The following AVEN variants were observed in gnomAD, a reference collection of about 807,000 sequenced individuals.
AVEN encodes the protein cell death regulator Aven.
AVEN carries 41 observed loss-of-function variants against 38.1 expected under a neutral mutation model. That is an observed-to-expected ratio of 1.08 (90% CI 0.84 to 1.40). AVEN has a LOEUF of 1.40. AVEN is among the 40% of genes most tolerant of loss of function. The pLI is 0.00. For missense variants in AVEN, 605 were observed against 438.8 expected, an observed-to-expected ratio of 1.38 and a Z score of -3.38; for synonymous variants, 206 against 171.8, an observed-to-expected ratio of 1.20 and a Z score of -1.56.
chr15:34,031,753 G>C (rs894255796), intron 1 of AVEN, among the ~76,000 whole-genome samples: 1 of 152,074 alleles, frequency 6.6e-6, no homozygotes, highest in African/African-American at 2.4e-5. Context: ...GCAATTTAAG[G>C]CTTACAAAAT....
intron 2 of AVEN, among the ~76,000 whole-genome samples, chr15:33,906,955 G>A (rs139963971): frequency 2.0e-5 from 3 of 152,114 alleles, no homozygotes; most frequent in African/African-American, 7.2e-5. Flanking sequence ...GGTGTGGGGG[G>A]GAAGGGGGTG....
intron 1 of AVEN, among the ~76,000 whole-genome samples, chr15:34,021,420 G>T (rs1198314847): frequency 6.6e-6 from 1 of 151,744 alleles, no homozygotes; most frequent in Admixed American, 6.6e-5. Context: ...TGAGTAGCTG[G>T]GATTTCAGGC....
At chr15:34,018,892 A>T (rs1273473085) in intron 1 of AVEN, among the ~76,000 whole-genome samples, 1 of 146,182 alleles carries the variant, frequency 6.8e-6, no homozygotes, top group African/African-American at 2.7e-5. Context: ...AGCTAAACAC[A>T]GAGTGCTGAT....
intron 2 of AVEN, among the ~76,000 whole-genome samples, chr15:33,938,232 G>T (rs1017718394): frequency 6.6e-6 from 1 of 152,030 alleles, no homozygotes; most frequent in East Asian, 1.9e-4. Flanking sequence ...GAGGTGGGCG[G>T]ATCACGAGGT....
the AVEN span, chr15:33,853,450 C>T: frequency 5.7e-6 from 8 of 1,392,040 alleles, no homozygotes; most frequent in Non-Finnish European, 7.7e-6. Context: ...TCATCTACCC[C>T]TTGGAAGATT....
intron 2 of AVEN, among the ~76,000 whole-genome samples, chr15:33,916,360 C>T (rs1019951890): frequency 6.6e-6 from 1 of 152,182 alleles, no homozygotes; most frequent in African/African-American, 2.4e-5. Context: ...GGACTCTGTG[C>T]AGACACCCCC....
In AVEN at chr15:34,038,824, T is replaced by C. The variant is rs1251130548; in HGVS notation, c.223A>G (p.Ser75Gly). The C allele has an allele frequency of 1.3e-5, 16 of 1,190,722 alleles. No individual in the cohort carries two copies. Among genetic ancestry groups the C allele is most frequent in the African/African-American group, 1.6e-5 (1 of 61,198 alleles). 73.8% of individuals were successfully genotyped at this position (1,190,722 alleles called of 1,614,324 possible). Reference sequence around the variant, plus strand: ...CCCCAGCCTCCCGGCTCCCGGCGGCTGCCTCGCGGGGCGCCTCCTCCTCCT... The same window carrying C: ...CCCCAGCCTCCCGGCTCCCGGCGGCCGCCTCGCGGGGCGCCTCCTCCTCCT... ...GRGGGGAPRG[S>G]RREPGGWGAG... Residue 75 changes from serine (S) to glycine (G), a missense_variant, in exon 1 of 6, where the codon AGC (serine) becomes GGC (glycine). Coordinates refer to ENST00000306730, the MANE Select transcript of AVEN (RefSeq NM_020371.3).
Position 34,053,320 on chromosome 15 carries a change from ATATATAT to A in AVEN, n.1637+9595_1637+9601del, listed in dbSNP as rs1308575993. On this transcript the variant is annotated intron_variant and non_coding_transcript_variant, in intron 5 of 11. Coordinates refer to the AVEN transcript ENST00000675287. ...ATCTCAAAAAAAAAAAAAAAAAAAA[ATATATAT>A]ATATATATATATATATGGAACTGAA... Among the ~76,000 whole-genome samples, 4 of 31,098 alleles carry A rather than the reference ATATATAT, an allele frequency of 1.3e-4. No homozygotes were observed. In the Admixed American group the frequency reaches 2.0e-3, roughly 15 times the overall value. The allele number at this position is 31,098 out of a possible 152,430, so 20.4% of individuals were successfully genotyped here. A position where few individuals can be genotyped will look rare whatever the true frequency, so the allele number is the denominator to read the frequency against.
At chr15:34,008,788 G>A (rs8024385) in intron 1 of AVEN, among the ~76,000 whole-genome samples, 95,503 of 151,976 alleles carry the variant, frequency 0.63, 35,123 homozygotes, top group Non-Finnish European at 0.82. Flanking sequence ...GTGCCTAGCC[G>A]ATGAAAAACC....
At chr15:34,061,040 T>C (rs1411663927) in intron 5 of AVEN, among the ~76,000 whole-genome samples, 2 of 152,244 alleles carry the variant, frequency 1.3e-5, no homozygotes, top group Non-Finnish European at 2.9e-5. Context: ...AGATTTTTTT[T>C]TTCCCTTTAC....
At chr15:34,014,821 C>T (rs568786626) in intron 1 of AVEN, among the ~76,000 whole-genome samples, 1 of 152,294 alleles carries the variant, frequency 6.6e-6, no homozygotes, top group African/African-American at 2.4e-5. Flanking sequence ...CCTCTCAAAA[C>T]TAACTGGCCA....
At chr15:33,876,764 C>T (rs1376017044) in intron 2 of AVEN, among the ~76,000 whole-genome samples, 1 of 152,148 alleles carries the variant, frequency 6.6e-6, no homozygotes, top group South Asian at 2.1e-4. Flanking sequence ...GGTGTGTGTA[C>T]TTACTTTATA....
Position 34,063,041 on chromosome 15 carries a change from A to T in AVEN, n.1518T>A. On this transcript the variant is annotated non_coding_transcript_exon_variant, in exon 5 of 12. Transcript: ENST00000675287. This position sits in a 1 kb window ranked among gnomAD's most constrained non-coding sequence, Gnocchi z 4.1. ...GTCTGGCTTGTGACCTTTGGCTTGC[A>T]CTGGACTACGTGGCCAGCAACGCTT... The T allele has an allele frequency of 6.2e-7, 1 of 1,614,244 alleles. No individual in the cohort carries two copies. The highest frequency in any genetic ancestry group is 8.5e-7 in the Non-Finnish European group (1 of 1,180,048).
intron 2 of AVEN, among the ~76,000 whole-genome samples, chr15:33,897,911 C>T (rs1007774718): frequency 1.3e-5 from 2 of 151,576 alleles, no homozygotes; most frequent in Non-Finnish European, 2.9e-5. Context: ...CTGAATGGGC[C>T]GGGCGTGGTA....
At chr15:33,990,187 G>C (rs551851630) in intron 2 of AVEN, among the ~76,000 whole-genome samples, 6 of 151,908 alleles carry the variant, frequency 3.9e-5, no homozygotes, top group Middle Eastern at 3.4e-3. Flanking sequence ...CTGGGCAACA[G>C]GGTGAGACTC....
intron 2 of AVEN, among the ~76,000 whole-genome samples, chr15:33,942,576 AAGT>A (rs1307820167): frequency 2.0e-5 from 3 of 151,756 alleles, no homozygotes; most frequent in African/African-American, 7.3e-5. Flanking sequence ...TCAGCCTCCC[AAGT>A]AGCTGGGACT....
intron 2 of AVEN, among the ~76,000 whole-genome samples, chr15:33,961,546 G>GCT (rs1895161869): frequency 6.6e-6 from 1 of 151,674 alleles, no homozygotes; most frequent in African/African-American, 2.4e-5. Context: ...GGGTGAGGTG[G>GCT]CTCATGCCTG....
intron 2 of AVEN, among the ~76,000 whole-genome samples, chr15:33,884,224 A>G (rs1272120855): frequency 3.9e-5 from 6 of 152,180 alleles, no homozygotes; most frequent in Non-Finnish European, 5.9e-5. Flanking sequence ...CCTCTTGGCT[A>G]TCTTGAGTTC....
chr15:33,866,655 G>C lies in AVEN; in HGVS notation c.1047C>G (p.Thr349=). 6.2e-7 allele frequency: 1 copy of C among 1,613,880 alleles called. No individual in the cohort carries two copies. Among genetic ancestry groups the C allele is most frequent in the South Asian group, 1.1e-5 (1 of 91,062 alleles). Residue 349 remains threonine, a synonymous_variant, in exon 6 of 6, where the codon ACC becomes ACG. Coordinates refer to ENST00000306730, the MANE Select transcript of AVEN (RefSeq NM_020371.3). ...PEQPSTSKNV[T]EEELEDWLDS... ...CCAACCAGTCTTCCAGCTCTTCCTC[G>C]GTAACATTTTTGGAGGTACTTGGTT...
Sources: gnomAD v4.1 joint callset for allele counts (sites outside exome capture counted in the v4.1 genomes callset) on GRCh38, gnomAD v4.1.1 for gene constraint, Gnocchi (gnomAD v3.1) non-coding constraint, MANE v1.5 for transcripts, NCBI Gene and HGNC (gene_info 2026-07-23, HGNC 2026-07-21) for gene names.